The following PLEKHD1 variants were observed in gnomAD, a reference collection of about 807,000 sequenced individuals.
The protein encoded by PLEKHD1 is pleckstrin homology domain-containing family D member 1.
In PLEKHD1, 51 loss-of-function variants were observed where a neutral mutation model predicts 69.2. That is an observed-to-expected ratio of 0.74 (90% confidence interval 0.59 to 0.93). The LOEUF is 0.93. PLEKHD1 is among the 40% of genes least tolerant of loss of function. The pLI is 0.00. For synonymous variants in PLEKHD1, 236 were observed against 244.7 expected (o/e 0.96, Z 0.33); for missense variants, 584 against 641.0 (o/e 0.91, Z 0.96).
chr14:69,485,075 A>T lies in PLEKHD1; in HGVS notation c.110A>T (p.Lys37Met). ...TKVQLYGVLW[K>M]RPFGRPSAKW... ...GTGCAGCTCTACGGCGTGCTGTGGA[A>T]GAGGCCTTTCGGCAGGCCGTCGGCC... The change falls in exon 1 of 13, where the codon AAG becomes ATG. Residue 37 changes from lysine to methionine, a missense_variant. Physicochemically the swap from Lys to Met is moderately conservative, Grantham distance 95. Coordinates refer to ENST00000322564, the MANE Select transcript of PLEKHD1 (RefSeq NM_001161498.2). 6.4e-7 allele frequency: 1 copy of T among 1,551,226 alleles called. No homozygotes were observed. Among genetic ancestry groups the T allele is most frequent in the Non-Finnish European group, 8.7e-7 (1 of 1,146,818 alleles).
chr14:69,501,163 G>C (rs1883016535), intron 4 of PLEKHD1: 1 of 591,514 alleles, frequency 1.7e-6, no homozygotes. Context: ...ACAGGTGGCA[G>C]GTGTGGGTAC....
chr14:69,528,528 C>G lies in PLEKHD1; in HGVS notation c.*109C>G. 7.4e-7 allele frequency: 1 copy of G among 1,360,082 alleles called. No individual in the cohort carries two copies. Among genetic ancestry groups the G allele is most frequent in the Admixed American group, 2.5e-5 (1 of 39,320 alleles). 84.3% of individuals were successfully genotyped at this position (1,360,082 alleles called of 1,614,324 possible). A position where few individuals can be genotyped will look rare whatever the true frequency, so the allele number is the denominator to read the frequency against. ...AGCTCCTGGCCTCTCTGGTCTGGAG[C>G]CTATGTCTCCTCTGGGCCGGAGCTC... is the stretch of plus-strand genomic sequence containing the variant. On this transcript the variant is annotated 3_prime_UTR_variant, in exon 13 of 13. Coordinates refer to ENST00000322564, the MANE Select transcript of PLEKHD1 (RefSeq NM_001161498.2).
intron 1 of PLEKHD1, among the ~76,000 whole-genome samples, chr14:69,489,558 CAAAAAAAAA>C (rs1166429791): frequency 3.5e-4 from 21 of 59,896 alleles, no homozygotes; most frequent in African/African-American, 1.4e-3. Context: ...TACTCCATCT[CAAAAAAAAA>C]AAAAAAAAAA....
At chr14:69,512,716 C>G (rs1025022240) in intron 6 of PLEKHD1, among the ~76,000 whole-genome samples, 10 of 152,024 alleles carry the variant, frequency 6.6e-5, no homozygotes, top group Admixed American at 2.6e-4. Context: ...TTGTTGATTT[C>G]TAGCACAATT....
chr14:69,500,869 A>G lies in PLEKHD1; in HGVS notation c.334-2A>G. 1 of 1,551,640 alleles carries G rather than the reference A, an allele frequency of 6.4e-7. No individual in the cohort carries two copies. The highest frequency in any genetic ancestry group is 8.7e-7 in the Non-Finnish European group (1 of 1,146,988). On this transcript the variant is annotated splice_acceptor_variant, in intron 3 of 12. Transcript: ENST00000322564. LOFTEE classifies it high-confidence loss of function. Reference sequence around the variant, plus strand: ...CATGCGCATGGCTCCTCTTCCTGGCAGGGGAACATCTTGCTTGCTGCTGAG... The same window carrying G: ...CATGCGCATGGCTCCTCTTCCTGGCGGGGGAACATCTTGCTTGCTGCTGAG...
At chr14:69,479,913 A>C (rs1318929167), upstream of PLEKHD1, among the ~76,000 whole-genome samples, 1 of 152,194 alleles carries the variant, frequency 6.6e-6, no homozygotes, top group Non-Finnish European at 1.5e-5. Flanking sequence ...CTGATAGGTC[A>C]GTCTCCATTT....
At chr14:69,499,850 G>A (rs370996574) in intron 1 of PLEKHD1, among the ~76,000 whole-genome samples, 4 of 152,266 alleles carry the variant, frequency 2.6e-5, no homozygotes, top group Admixed American at 6.5e-5. Context: ...GTGGTTCAGC[G>A]GGACAGAGGC....
In PLEKHD1 at chr14:69,500,216, G is replaced by A. The variant is rs376153424; in HGVS notation, c.243+8G>A. ...TTCAATATACATCCTAAGGTGAGGCGGCCCCTCCCAGGGCCACAGCAGGGG... is the reference window on the plus strand; with the variant it reads ...TTCAATATACATCCTAAGGTGAGGCAGCCCCTCCCAGGGCCACAGCAGGGG... On this transcript the variant is annotated splice_region_variant and intron_variant, in intron 2 of 12. Coordinates refer to ENST00000322564, the MANE Select transcript of PLEKHD1 (RefSeq NM_001161498.2). The A allele has an allele frequency of 5.2e-4, 804 of 1,539,396 alleles. 2 individuals carry two copies. The highest frequency in any genetic ancestry group is 3.2e-3 in the Middle Eastern group (19 of 5,972).
chr14:69,470,560 G>A, the PLEKHD1 span, among the ~76,000 whole-genome samples: 20 of 152,066 alleles, frequency 1.3e-4, no homozygotes, highest in Non-Finnish European at 1.8e-4. Flanking sequence ...CAAGGGAAAT[G>A]CTGCCTCTGC....
At position 69,530,683 on chromosome 14, in the gene PLEKHD1, T is replaced by G. The variant is rs1296414566; in HGVS notation, c.*2264T>G. The G allele has an allele frequency of 1.3e-5, 2 of 152,322 alleles. No homozygotes were observed. Among genetic ancestry groups the G allele is most frequent in the African/African-American group, 2.4e-5 (1 of 41,566 alleles). 9.4% of individuals were successfully genotyped at this position (152,322 alleles called of 1,614,324 possible). On this transcript the variant is annotated 3_prime_UTR_variant, in exon 13 of 13. Transcript: ENST00000322564. ...ACAGAAATGTACTGGCTCACAGATA[T>G]GGTGGCTAAGACGTCCAATATCAAG...
At chr14:69,480,090 G>T (rs1882515805), upstream of PLEKHD1, among the ~76,000 whole-genome samples, 1 of 152,214 alleles carries the variant, frequency 6.6e-6, no homozygotes, top group South Asian at 2.1e-4. Flanking sequence ...CTCCAAACAA[G>T]GCAGACAGAC....
the PLEKHD1 span, among the ~76,000 whole-genome samples, chr14:69,472,258 G>A: frequency 6.6e-6 from 1 of 152,166 alleles, no homozygotes; most frequent in Non-Finnish European, 1.5e-5. Flanking sequence ...ATGTATGTAT[G>A]TCTGTTTTTA....
chr14:69,517,248 G>A (rs1403751520), intron 6 of PLEKHD1, among the ~76,000 whole-genome samples: 1 of 152,204 alleles, frequency 6.6e-6, no homozygotes, highest in Non-Finnish European at 1.5e-5. Flanking sequence ...AGCAGTGGAT[G>A]GTGGTGCATT....
intron 1 of PLEKHD1, among the ~76,000 whole-genome samples, chr14:69,499,356 C>A (rs1258734500): frequency 6.6e-6 from 1 of 152,202 alleles, no homozygotes; most frequent in Non-Finnish European, 1.5e-5. Context: ...AGGAAGGAGC[C>A]AGCCACTCTG....
chr14:69,469,015 G>T, the PLEKHD1 span, among the ~76,000 whole-genome samples: 1 of 152,226 alleles, frequency 6.6e-6, no homozygotes, highest in Non-Finnish European at 1.5e-5. Context: ...ACACATAGAA[G>T]TGAAATGGCC....
Position 69,501,816 on chromosome 14 carries a change from G to T in PLEKHD1, c.493G>T (p.Glu165Ter). Residue 165 changes from glutamate to a stop codon, truncating the protein, a stop_gained, in exon 5 of 13, where the codon GAG becomes TAG. Coordinates refer to ENST00000322564, the MANE Select transcript of PLEKHD1 (RefSeq NM_001161498.2). LOFTEE classifies it high-confidence loss of function. The stretch of plus-strand genomic sequence containing the variant: ...GCTGCAGTTGGCTAAGGAAAAGCAG[G>T]AGTATTTAGGTTGGCTGGAGGGGTG... ...QGLQLAKEKQ[E>*]YLDKLMEETE... The T allele has an allele frequency of 6.4e-7, 1 of 1,551,068 alleles. No individual in the cohort carries two copies. Among genetic ancestry groups the T allele is most frequent in the Non-Finnish European group, 8.7e-7 (1 of 1,146,540 alleles).
intron 3 of PLEKHD1, 29 bp from the exon 4 acceptor site, chr14:69,500,842 G>A (rs1186944479): frequency 6.4e-7 from 1 of 1,551,394 alleles, no homozygotes; most frequent in South Asian, 1.2e-5. Context: ...CTGCCTCTCA[G>A]GCATGCGCAT....
At chr14:69,500,999 G>T (rs527362532) in intron 4 of PLEKHD1, 52 bp downstream of exon 4, 2 of 1,519,024 alleles carry the variant, frequency 1.3e-6, no homozygotes, top group Admixed American at 3.9e-5. Context: ...TGGGGTGGGC[G>T]GGGCTGCCCC....
chr14:69,480,941 C>A (rs1030936328), upstream of PLEKHD1, among the ~76,000 whole-genome samples: 2 of 152,224 alleles, frequency 1.3e-5, no homozygotes, highest in Admixed American at 1.3e-4. Flanking sequence ...GCATGGGCCA[C>A]CACGCGCAGC....
Sources: gnomAD v4.1 joint callset for allele counts (sites outside exome capture counted in the v4.1 genomes callset) on GRCh38, gnomAD v4.1.1 for gene constraint, MANE v1.5 for transcripts, NCBI Gene and HGNC (gene_info 2026-07-23, HGNC 2026-07-21) for gene names.